Variants in MAML3 observed in about 807,000 individuals in gnomAD.
MAML3 encodes the protein mastermind-like protein 3.
A neutral mutation model predicts 101.9 loss-of-function variants in MAML3; 27 were observed. The observed-to-expected ratio is 0.27, with a 90% CI of 0.20 to 0.37. The LOEUF is 0.37. MAML3 is among the 10% of genes least tolerant of loss of function. The probability of loss-of-function intolerance (pLI) is 1.00; values close to 1 mark genes in which losing one functional copy is unlikely to be tolerated. For missense variants in MAML3, 1,316 were observed against 1,444.9 expected (o/e 0.91, Z 1.45); for synonymous variants, 501 against 555.9 (o/e 0.90, Z 1.39).
intron 1 of MAML3, among the ~76,000 whole-genome samples, chr4:139,937,500 C>T (rs1381405353): frequency 6.6e-6 from 1 of 151,864 alleles, no homozygotes; most frequent in African/African-American, 2.4e-5. Flanking sequence ...GATTCTCTTG[C>T]CTCAGACTCC....
At chr4:140,145,273 A>G (rs1044436631) in intron 1 of MAML3, among the ~76,000 whole-genome samples, 8 of 152,234 alleles carry the variant, frequency 5.3e-5, no homozygotes, top group Non-Finnish European at 2.9e-5. Flanking sequence ...GAAATGATAC[A>G]CAACCAGATT....
chr4:140,113,495 A>G (rs1253293141), intron 1 of MAML3, among the ~76,000 whole-genome samples: 1 of 152,052 alleles, frequency 6.6e-6, no homozygotes, highest in Non-Finnish European at 1.5e-5. Flanking sequence ...GTAGTAGACT[A>G]TTTCTTCAAC....
intron 2 of MAML3, among the ~76,000 whole-genome samples, chr4:139,855,720 A>G (rs970632325): frequency 1.8e-4 from 28 of 152,210 alleles, no homozygotes; most frequent in African/African-American, 5.1e-4. Context: ...GTTTGCTATC[A>G]TTTGGAGAGC....
intron 2 of MAML3, among the ~76,000 whole-genome samples, chr4:139,865,424 C>T (rs1323478568): frequency 3.3e-5 from 5 of 151,748 alleles, no homozygotes; most frequent in Non-Finnish European, 5.9e-5. Context: ...CAAAACCATC[C>T]TTCTTTTGCC....
At chr4:140,121,852 C>G (rs1163531674) in intron 1 of MAML3, among the ~76,000 whole-genome samples, 2 of 152,200 alleles carry the variant, frequency 1.3e-5, no homozygotes, top group Non-Finnish European at 2.9e-5. Context: ...ATGATCCCCA[C>G]GTGTCATGGG....
intron 1 of MAML3, 85 bp downstream of exon 1, chr4:140,152,775 C>A: frequency 6.5e-7 from 1 of 1,543,690 alleles, no homozygotes; most frequent in Non-Finnish European, 8.7e-7. Context: ...GACCCTTGTA[C>A]CCCCATGTAA....
At chr4:139,724,468 C>A (rs1173015504) in intron 4 of MAML3, among the ~76,000 whole-genome samples, 1 of 152,144 alleles carries the variant, frequency 6.6e-6, no homozygotes, top group African/African-American at 2.4e-5. Context: ...TACCTTAGAT[C>A]AGAAAATTTT....
At chr4:139,932,605 CTT>C (rs751040349) in intron 1 of MAML3, among the ~76,000 whole-genome samples, 11 of 152,210 alleles carry the variant, frequency 7.2e-5, no homozygotes, top group Non-Finnish European at 1.3e-4. Flanking sequence ...TAGACACTAT[CTT>C]TGAACCAAGT....
At chr4:139,915,701 C>T (rs956451346) in intron 1 of MAML3, among the ~76,000 whole-genome samples, 2 of 151,934 alleles carry the variant, frequency 1.3e-5, no homozygotes, top group African/African-American at 2.4e-5. Context: ...GGCGGGGGGG[C>T]GGGGATCCTC....
At chr4:140,059,005 G>T (rs1727400165) in intron 1 of MAML3, among the ~76,000 whole-genome samples, 1 of 152,178 alleles carries the variant, frequency 6.6e-6, no homozygotes, top group Non-Finnish European at 1.5e-5. Context: ...GAACAACACT[G>T]TGATTCAGGT....
chr4:139,885,932 C>CAAAAAA (rs1182443191), intron 2 of MAML3, among the ~76,000 whole-genome samples: 5 of 20,266 alleles, frequency 2.5e-4, no homozygotes, highest in Non-Finnish European at 2.9e-4. Context: ...GACTCCGTCT[C>CAAAAAA]AAAAAAAAAA....
At chr4:140,061,245 A>T (rs1727443641) in intron 1 of MAML3, among the ~76,000 whole-genome samples, 1 of 152,246 alleles carries the variant, frequency 6.6e-6, no homozygotes, top group Non-Finnish European at 1.5e-5. Flanking sequence ...AATCGGACTC[A>T]AAAGAAAACA....
chr4:140,002,575 C>T (rs780474530), intron 1 of MAML3, among the ~76,000 whole-genome samples: 8 of 152,152 alleles, frequency 5.3e-5, no homozygotes, highest in East Asian at 1.9e-4. Flanking sequence ...TTCCACCATA[C>T]TATAGGTTCT....
chr4:139,924,148 T>C (rs1733178218), intron 1 of MAML3, among the ~76,000 whole-genome samples: 1 of 152,192 alleles, frequency 6.6e-6, no homozygotes, highest in Non-Finnish European at 1.5e-5. Flanking sequence ...TCCCCAGACA[T>C]AGAAACTCAC....
In MAML3 at chr4:139,921,816, C is replaced by T. The variant is rs151319445; in HGVS notation, c.469-30849G>A. Among the ~76,000 whole-genome samples, 6 of 152,322 alleles carry T rather than the reference C, an allele frequency of 3.9e-5. No individual in the cohort carries two copies. In the East Asian group the frequency reaches 5.8e-4, roughly 15 times the overall value. On this transcript the variant is annotated intron_variant, in intron 1 of 4. Coordinates refer to ENST00000509479, the MANE Select transcript of MAML3 (RefSeq NM_018717.5). ...GGCACTGCCTTGTTTCCTGGCCTAACGGATGCTTGTTTAAACACTGGAGCT... is the reference window on the plus strand; with the variant it reads ...GGCACTGCCTTGTTTCCTGGCCTAATGGATGCTTGTTTAAACACTGGAGCT...
chr4:139,937,392 GT>G (rs949562371), intron 1 of MAML3, among the ~76,000 whole-genome samples: 88 of 143,548 alleles, frequency 6.1e-4, no homozygotes, highest in East Asian at 1.4e-3. Flanking sequence ...TAGCAAAGGA[GT>G]TTTTTTTTTT....
At chr4:140,085,207 T>G (rs1252517117) in intron 1 of MAML3, among the ~76,000 whole-genome samples, 2 of 152,174 alleles carry the variant, frequency 1.3e-5, no homozygotes, top group African/African-American at 4.8e-5. Context: ...TGTTTTTGTG[T>G]TTTCCTTGCG....
At chr4:140,040,658 T>C (rs1240169774) in intron 1 of MAML3, among the ~76,000 whole-genome samples, 1 of 152,232 alleles carries the variant, frequency 6.6e-6, no homozygotes, top group African/African-American at 2.4e-5. Context: ...TATAATTTTG[T>C]GGAAAATGCA....
chr4:139,889,393 C>T lies in MAML3; in HGVS notation c.2043G>A (p.Gln681=). ...ATGGAAGTGCAGCGTAAGCCATGGG[C>T]TGATTCATCACTCCTTTCTGCTTCA... The part of the protein sequence containing the change: ...LLMKQKGVMN[Q]PMAYAALPSH... Residue 681 remains glutamine, a synonymous_variant, in exon 2 of 5, where the codon CAG becomes CAA. Coordinates refer to ENST00000509479, the MANE Select transcript of MAML3 (RefSeq NM_018717.5). 1 of 1,614,068 alleles carries T rather than the reference C, an allele frequency of 6.2e-7. No homozygotes were observed. The highest frequency in any genetic ancestry group is 8.5e-7 in the Non-Finnish European group (1 of 1,179,906).
Sources: allele counts gnomAD v4.1 joint callset (sites outside exome capture counted in the v4.1 genomes callset), GRCh38; gene constraint gnomAD v4.1.1; transcripts MANE v1.5; gene names NCBI Gene and HGNC (gene_info 2026-07-23, HGNC 2026-07-21).